TTC28: variants seen among roughly 807,000 people sequenced by gnomAD.
TTC28 encodes tetratricopeptide repeat domain 28, also known as tetratricopeptide repeat protein 28.
TTC28 carries 61 observed loss-of-function variants against 198.0 expected under a neutral mutation model. The ratio of observed to expected loss-of-function variants is 0.31; its 90% CI spans 0.25 to 0.38. The LOEUF (loss-of-function observed/expected upper bound fraction) is 0.38, where lower values mean the gene tolerates loss of function less well. Among genes scored for constraint, TTC28 ranks in the 10% least tolerant of loss-of-function variants. TTC28 has a pLI of 1.00. For synonymous variants in TTC28, 1,171 were observed against 1,297.8 expected (o/e 0.90, Z 2.10); for missense variants, 2,678 against 3,164.0 (o/e 0.85, Z 3.69).
intron 5 of TTC28, among the ~76,000 whole-genome samples, chr22:28,226,294 G>A (rs993533567): frequency 6.6e-5 from 10 of 152,176 alleles, no homozygotes; most frequent in Non-Finnish European, 1.5e-4. Context: ...CCATATCCTT[G>A]TCAAAACTCA....
intron 5 of TTC28, among the ~76,000 whole-genome samples, chr22:28,267,948 TTTTCAAAGTTTAATA>T (rs1365078429): frequency 6.6e-6 from 1 of 152,188 alleles, no homozygotes; most frequent in East Asian, 1.9e-4. Flanking sequence ...TTTACTGACA[TTTTCAAAGTTTAATA>T]TCAGGTATTT....
intron 2 of TTC28, among the ~76,000 whole-genome samples, chr22:28,476,184 G>A (rs887767472): frequency 3.9e-5 from 6 of 152,062 alleles, no homozygotes; most frequent in African/African-American, 9.7e-5. Flanking sequence ...TCTTAATGCT[G>A]TATGTATCAT....
intron 5 of TTC28, among the ~76,000 whole-genome samples, chr22:28,164,153 G>C (rs545923161): frequency 3.9e-5 from 6 of 152,198 alleles, no homozygotes; most frequent in Non-Finnish European, 8.8e-5. Flanking sequence ...CAGGAAGCTC[G>C]AACTGGCTGG....
At chr22:28,033,358 T>G (rs1481109202) in intron 12 of TTC28, among the ~76,000 whole-genome samples, 1 of 152,192 alleles carries the variant, frequency 6.6e-6, no homozygotes, top group Non-Finnish European at 1.5e-5. Flanking sequence ...CACAGCACAC[T>G]CACTCTCCTG....
At chr22:28,331,396 G>T (rs1370758462) in intron 2 of TTC28, among the ~76,000 whole-genome samples, 3 of 152,064 alleles carry the variant, frequency 2.0e-5, no homozygotes, top group Non-Finnish European at 4.4e-5. Context: ...CAAAGATTCT[G>T]GAGTACAGAA....
At chr22:28,482,885 G>T (rs1294634616) in intron 2 of TTC28, among the ~76,000 whole-genome samples, 1 of 152,124 alleles carries the variant, frequency 6.6e-6, no homozygotes, top group Non-Finnish European at 1.5e-5. Context: ...GCTCATTCAT[G>T]TTACAGCATG....
chr22:28,037,381 G>A (rs566690874), intron 12 of TTC28, among the ~76,000 whole-genome samples: 4 of 152,090 alleles, frequency 2.6e-5, no homozygotes, highest in East Asian at 1.9e-4. Flanking sequence ...ATCAATAAAC[G>A]TAATCCAGCA....
At chr22:27,990,724 G>A (rs1937370649) in intron 20 of TTC28, 65 bp downstream of exon 20, 4 of 1,399,032 alleles carry the variant, frequency 2.9e-6, no homozygotes, top group Non-Finnish European at 2.9e-6. Context: ...CTGCCCAGGG[G>A]AACTCGGGGG....
chr22:28,209,441 T>C (rs757382353), intron 5 of TTC28, among the ~76,000 whole-genome samples: 6 of 152,180 alleles, frequency 3.9e-5, no homozygotes, highest in Non-Finnish European at 8.8e-5. Flanking sequence ...CCCACCCTAA[T>C]ACTGCGCTTT....
At chr22:28,660,684 C>T (rs1601674855) in intron 1 of TTC28, among the ~76,000 whole-genome samples, 1 of 152,056 alleles carries the variant, frequency 6.6e-6, no homozygotes, top group Admixed American at 6.6e-5. Flanking sequence ...CCACCACACC[C>T]GGCTAATTTT....
intron 2 of TTC28, among the ~76,000 whole-genome samples, chr22:28,590,551 G>A (rs767140607): frequency 1.7e-4 from 26 of 151,830 alleles, no homozygotes; most frequent in Non-Finnish European, 2.5e-4. Flanking sequence ...CCAGGAGCTC[G>A]AGACCAGCCT....
intron 1 of TTC28, among the ~76,000 whole-genome samples, chr22:28,640,427 A>ATTTTC: frequency 6.6e-6 from 1 of 151,930 alleles, no homozygotes; most frequent in Non-Finnish European, 1.5e-5. Flanking sequence ...CAATATTTGA[A>ATTTTC]TACCAATGAC....
chr22:28,648,931 GGAGA>G (rs148966380), intron 1 of TTC28, among the ~76,000 whole-genome samples: 13 of 149,320 alleles, frequency 8.7e-5, no homozygotes, highest in South Asian at 2.1e-4. Context: ...GAAAAGAAAA[GGAGA>G]GAGAGAGAGA....
intron 2 of TTC28, among the ~76,000 whole-genome samples, chr22:28,452,483 G>T (rs1000846048): frequency 6.6e-6 from 1 of 150,644 alleles, no homozygotes; most frequent in Non-Finnish European, 1.5e-5. Context: ...CTTAATCCTC[G>T]AGGAGAAAAC....
chr22:28,196,390 T>C (rs1304537398), intron 5 of TTC28, among the ~76,000 whole-genome samples: 1 of 152,184 alleles, frequency 6.6e-6, no homozygotes, highest in Non-Finnish European at 1.5e-5. Context: ...AAGGACTTCA[T>C]GTCTAAAACA....
intron 2 of TTC28, among the ~76,000 whole-genome samples, chr22:28,307,751 TC>T (rs1470732974): frequency 6.6e-6 from 1 of 152,224 alleles, no homozygotes; most frequent in African/African-American, 2.4e-5. Flanking sequence ...GGTCTCCTAT[TC>T]AACTGAAATA....
chr22:28,013,301 G>A (rs185335854), intron 14 of TTC28, among the ~76,000 whole-genome samples: 8 of 152,336 alleles, frequency 5.3e-5, no homozygotes, highest in East Asian at 1.9e-4. Context: ...CAGCCTGCTC[G>A]CCTGCTGCAG....
chr22:28,063,357 A>G (rs1940624995), intron 12 of TTC28, among the ~76,000 whole-genome samples: 1 of 152,234 alleles, frequency 6.6e-6, no homozygotes, highest in Non-Finnish European at 1.5e-5. Flanking sequence ...TTGGAGCTTT[A>G]AACGCCAAAT....
chr22:28,638,226 T>C (rs569236391), intron 1 of TTC28, among the ~76,000 whole-genome samples: 7 of 152,260 alleles, frequency 4.6e-5, no homozygotes, highest in Middle Eastern at 3.4e-3. Context: ...GTACAGAACA[T>C]GCCATCCAAC....
Sources: allele counts gnomAD v4.1 joint callset (sites outside exome capture counted in the v4.1 genomes callset), GRCh38; gene constraint gnomAD v4.1.1; transcripts MANE v1.5; gene names NCBI Gene and HGNC (gene_info 2026-07-23, HGNC 2026-07-21).